GOLGA8A: variants seen among roughly 807,000 people sequenced by gnomAD.
The protein encoded by GOLGA8A is golgin A8 family member A.
A neutral mutation model predicts 22.1 loss-of-function variants in GOLGA8A; 3 were observed. The ratio of observed to expected loss-of-function variants is 0.14; its 90% CI spans 0.06 to 0.35. GOLGA8A has a LOEUF of 0.35. GOLGA8A is among the 10% of genes least tolerant of loss of function. The pLI is 1.00. For synonymous variants in GOLGA8A, 7 were observed against 91.7 expected (o/e 0.08, Z 5.28); for missense variants, 16 against 233.2 (o/e 0.07, Z 6.07).
rs1195842598 is a variant in GOLGA8A, at chr15:34,427,517, C to G, written c.-1123+7866G>C. 2.0e-5 allele frequency among the ~76,000 whole-genome samples: 3 copies of G among 148,308 alleles called. 1 individual carries two copies. Among genetic ancestry groups the G allele is most frequent in the Non-Finnish European group, 4.5e-5 (3 of 66,994 alleles). On this transcript the variant is annotated intron_variant, in intron 2 of 24. Transcript: ENST00000359187. ...CTAAAAATTCTTCCTTCCAGCTCAACAGAGCAAATCCACCTACTGCTCTGC... is the reference window on the plus strand; with the variant it reads ...CTAAAAATTCTTCCTTCCAGCTCAAGAGAGCAAATCCACCTACTGCTCTGC...
At chr15:34,427,820 C>T (rs1893050188) in intron 2 of GOLGA8A, among the ~76,000 whole-genome samples, 3 of 148,180 alleles carry the variant, frequency 2.0e-5, no homozygotes, top group Middle Eastern at 3.4e-3. Context: ...ATCAGGTCAC[C>T]GGCCCAGCCC....
chr15:34,416,319 A>G (rs1278300369), intron 2 of GOLGA8A: 1 of 147,572 alleles, frequency 6.8e-6, no homozygotes, highest in African/African-American at 2.5e-5. Context: ...TTAAGGAGCT[A>G]TTTTGATACT....
At chr15:34,421,853 G>T (rs1475257783) in intron 2 of GOLGA8A, among the ~76,000 whole-genome samples, 2 of 137,690 alleles carry the variant, frequency 1.5e-5, no homozygotes, top group East Asian at 4.3e-4. Context: ...TCCCACCAGG[G>T]CTGGGGACCC....
At position 34,436,792 on chromosome 15, in the gene GOLGA8A, G is replaced by C. The variant is rs1031325003; in HGVS notation, c.-1212+606C>G. 2.3e-4 allele frequency among the ~76,000 whole-genome samples: 35 copies of C among 149,938 alleles called. 2 individuals carry two copies. The highest frequency in any genetic ancestry group is 8.6e-4 in the African/African-American group (35 of 40,734). ...CCTGGCGTGGAGAAGGGGCCCTGCA[G>C]AGGCGCAGGTCCGCACCGTGCCCCC... On this transcript the variant is annotated intron_variant, in intron 1 of 24. Transcript: ENST00000359187.
chr15:34,397,464 T>C (rs1194220948), intron 8 of GOLGA8A, among the ~76,000 whole-genome samples: 4 of 148,578 alleles, frequency 2.7e-5, no homozygotes, highest in Non-Finnish European at 4.5e-5. Context: ...GTCTGTATTC[T>C]GTATCTGATA....
chr15:34,433,939 G>T (rs78935863), intron 2 of GOLGA8A, among the ~76,000 whole-genome samples: 1 of 149,440 alleles, frequency 6.7e-6, no homozygotes, highest in Non-Finnish European at 1.5e-5. Flanking sequence ...GTGAGGGGCC[G>T]GCCAGGTGGG....
In GOLGA8A at chr15:34,425,472, C is replaced by T. The variant is rs1294720208; in HGVS notation, c.-1123+9911G>A. On this transcript the variant is annotated intron_variant, in intron 2 of 24. Coordinates refer to ENST00000359187, the MANE Select transcript of GOLGA8A (RefSeq NM_181077.5). Reference sequence around the variant, plus strand: ...AGAAGAGATGTAAATGTAAAAAAATCGAGACTATCAAGTATTAGCAGAATA... The same window carrying T: ...AGAAGAGATGTAAATGTAAAAAAATTGAGACTATCAAGTATTAGCAGAATA... Among the ~76,000 whole-genome samples the T allele has an allele frequency of 2.1e-5, 3 of 144,782 alleles. 1 individual carries two copies. The highest frequency in any genetic ancestry group is 5.0e-5 in the African/African-American group (2 of 39,622). The allele number at this position is 144,782 out of a possible 152,430, so 95.0% of individuals were successfully genotyped here. A position where few individuals can be genotyped will look rare whatever the true frequency, so the allele number is the denominator to read the frequency against.
At chr15:34,432,520 C>T (rs1375449889) in intron 2 of GOLGA8A, among the ~76,000 whole-genome samples, 1 of 149,000 alleles carries the variant, frequency 6.7e-6, no homozygotes, top group Admixed American at 6.8e-5. Flanking sequence ...ACAAGACCTG[C>T]CTTCTAGATT....
chr15:34,420,162 T>C (rs1190613546), intron 2 of GOLGA8A: 1 of 147,726 alleles, frequency 6.8e-6, no homozygotes, highest in African/African-American at 2.5e-5. Flanking sequence ...ATATCCTTGA[T>C]GTCAGATGCC....
intron 2 of GOLGA8A, among the ~76,000 whole-genome samples, chr15:34,430,940 C>T (rs1456924938): frequency 6.7e-6 from 1 of 149,212 alleles, no homozygotes; most frequent in Non-Finnish European, 1.5e-5. Flanking sequence ...ACAGCTGCCA[C>T]CAGCTCCGGA....
rs1555400571 is a variant in GOLGA8A at position 34,437,434 on chromosome 15, T to TGCGCGG, written c.-1249_-1248insCCGCGC. ...GCGGGGCTGCCCCGGTCCGCCGCCG[T>TGCGCGG]CCTCGCCGCGCCGCCGTCCTCGCCG... On this transcript the variant is annotated 5_prime_UTR_variant, in exon 1 of 25. Transcript: ENST00000359187. The TGCGCGG allele has an allele frequency of 1.5e-5, 2 of 136,672 alleles. No homozygotes were observed. Among genetic ancestry groups the TGCGCGG allele is most frequent in the East Asian group, 4.4e-4 (2 of 4,578 alleles). 8.5% of individuals were successfully genotyped at this position (136,672 alleles called of 1,614,324 possible). A position where few individuals can be genotyped will look rare whatever the true frequency, so the allele number is the denominator to read the frequency against.
intron 1 of GOLGA8A, 131 bp downstream of exon 1, chr15:34,437,267 G>C (rs145286658): frequency 0.095 from 13,871 of 145,540 alleles, 1,717 homozygotes; most frequent in South Asian, 0.25. Context: ...CCGAGTCCGG[G>C]GGGCAGCGCT....
At chr15:34,427,883 A>C (rs1245016616) in intron 2 of GOLGA8A, among the ~76,000 whole-genome samples, 1 of 148,602 alleles carries the variant, frequency 6.7e-6, no homozygotes, top group Non-Finnish European at 1.5e-5. Context: ...TCCTGGAATA[A>C]CTAACAGTCT....
rs574750304 is a variant in GOLGA8A, at chr15:34,431,087, C to T, written c.-1123+4296G>A. Among the ~76,000 whole-genome samples the T allele has an allele frequency of 1.1e-4, 17 of 148,786 alleles. 1 individual carries two copies. The South Asian group carries it at 3.5e-3, about 30-fold the overall frequency. On this transcript the variant is annotated intron_variant, in intron 2 of 24. Transcript: ENST00000359187. ...GAAATCCATCATCCCTAAATGCATG[C>T]GGTTACTCAACTAGTGGCTTTACTA...
At chr15:34,400,622 G>GT (rs1265512078) in intron 6 of GOLGA8A, 90 bp downstream of exon 6, 5 of 117,892 alleles carry the variant, frequency 4.2e-5, no homozygotes, top group Admixed American at 8.9e-5. Context: ...TTTGTGTTTT[G>GT]TTTTTTTTGT....
intron 2 of GOLGA8A, among the ~76,000 whole-genome samples, chr15:34,434,553 G>C (rs1252643852): frequency 1.3e-5 from 2 of 148,894 alleles, no homozygotes; most frequent in African/African-American, 5.0e-5. Context: ...GTGCCAGCAG[G>C]CTGCTCTGAG....
chr15:34,380,774 T>G lies in GOLGA8A; in HGVS notation c.*637A>C, dbSNP rs1270580519. On this transcript the variant is annotated 3_prime_UTR_variant, in exon 25 of 25. Transcript: ENST00000359187. Reference sequence around the variant, plus strand: ...GCCAGAGCAGGCCACTTTCCTCTTCTGTGAGATTTAGAAAGCTCCCCCAAA... The same window carrying G: ...GCCAGAGCAGGCCACTTTCCTCTTCGGTGAGATTTAGAAAGCTCCCCCAAA... The G allele has an allele frequency of 1.1e-5, 2 of 183,256 alleles. No homozygotes were observed. The highest frequency in any genetic ancestry group is 2.3e-5 in the Non-Finnish European group (2 of 86,214). 11.4% of individuals were successfully genotyped at this position (183,256 alleles called of 1,614,324 possible).
chr15:34,421,240 T>C (rs1334550073), intron 2 of GOLGA8A, among the ~76,000 whole-genome samples: 1 of 143,502 alleles, frequency 7.0e-6, no homozygotes, highest in African/African-American at 2.5e-5. Flanking sequence ...TGAAACAGGC[T>C]TCAGCTACTA....
intron 2 of GOLGA8A, among the ~76,000 whole-genome samples, chr15:34,426,509 T>G (rs4924717): frequency 0.081 from 11,899 of 146,932 alleles, 1,421 homozygotes; most frequent in East Asian, 0.16. Context: ...TCATTTTCTA[T>G]TCTACATGAT....
Sources: gnomAD v4.1 joint callset for allele counts (sites outside exome capture counted in the v4.1 genomes callset) on GRCh38, gnomAD v4.1.1 for gene constraint, MANE v1.5 for transcripts, NCBI Gene and HGNC (gene_info 2026-07-23, HGNC 2026-07-21) for gene names.